NLK: variants seen among roughly 807,000 people sequenced by gnomAD.
The protein encoded by NLK is nemo like kinase, also known as serine/threonine-protein kinase NLK.
Under a neutral mutation model 59.0 loss-of-function variants are expected in NLK, and 11 were observed. That is an observed-to-expected ratio of 0.19 (90% confidence interval 0.12 to 0.31). The LOEUF (loss-of-function observed/expected upper bound fraction) is 0.31. Among genes scored for constraint, NLK ranks in the 10% least tolerant of loss-of-function variants. NLK has a pLI of 1.00. For synonymous variants in NLK, 235 were observed against 235.9 expected (o/e 1.00, Z 0.03); for missense variants, 410 against 661.1 (o/e 0.62, Z 4.16).
chr17:28,078,436 C>A (rs1395136550), intron 1 of NLK, among the ~76,000 whole-genome samples: 3 of 152,028 alleles, frequency 2.0e-5, no homozygotes, highest in Non-Finnish European at 4.4e-5. Context: ...TCCCCTGTGC[C>A]ACACACACAG....
intron 1 of NLK, among the ~76,000 whole-genome samples, chr17:28,062,229 T>C (rs919736070): frequency 6.6e-6 from 1 of 152,190 alleles, no homozygotes; most frequent in Non-Finnish European, 1.5e-5. Context: ...GGTGACTCCA[T>C]AGTCCTCATT....
At chr17:28,144,061 A>G (rs1157404670) in intron 3 of NLK, among the ~76,000 whole-genome samples, 1 of 152,162 alleles carries the variant, frequency 6.6e-6, no homozygotes, top group South Asian at 2.1e-4. Flanking sequence ...TGTAAGTCAT[A>G]GACTATGTTG....
intron 2 of NLK, among the ~76,000 whole-genome samples, 183 bp from the exon 3 acceptor site, chr17:28,132,437 G>A (rs1347626787): frequency 1.3e-5 from 2 of 152,172 alleles, no homozygotes; most frequent in African/African-American, 2.4e-5. Context: ...CTTTTGGATA[G>A]TAAGTGTACG....
chr17:28,089,384 ATGT>A (rs1904400306), intron 1 of NLK, among the ~76,000 whole-genome samples: 1 of 151,606 alleles, frequency 6.6e-6, no homozygotes, highest in African/African-American at 2.4e-5. Context: ...AGATCTATCC[ATGT>A]TGTTGCATGA....
intron 1 of NLK, among the ~76,000 whole-genome samples, chr17:28,086,515 A>T (rs1220979847): frequency 6.6e-6 from 1 of 152,136 alleles, no homozygotes; most frequent in African/African-American, 2.4e-5. Flanking sequence ...CTCACCAATG[A>T]TGTATGAAAA....
At chr17:28,177,640 A>T (rs759941399) in intron 7 of NLK, among the ~76,000 whole-genome samples, 2 of 152,242 alleles carry the variant, frequency 1.3e-5, no homozygotes, top group Non-Finnish European at 2.9e-5. Context: ...CCAGGCCTAC[A>T]TTCTATTACC....
intron 3 of NLK, among the ~76,000 whole-genome samples, chr17:28,157,366 T>A (rs1453060342): frequency 6.6e-6 from 1 of 151,872 alleles, no homozygotes; most frequent in Non-Finnish European, 1.5e-5. Context: ...AATTTTTGTA[T>A]TTTTAGTAGA....
chr17:28,094,244 G>A (rs1904615194), intron 1 of NLK, among the ~76,000 whole-genome samples: 2 of 152,152 alleles, frequency 1.3e-5, no homozygotes, highest in Admixed American at 1.3e-4. Context: ...AGGTTTCTGA[G>A]CAAAAACAAC....
intron 3 of NLK, among the ~76,000 whole-genome samples, chr17:28,149,210 G>A (rs927273378): frequency 2.0e-5 from 3 of 152,148 alleles, no homozygotes; most frequent in East Asian, 1.9e-4. Context: ...ATACAGGTGC[G>A]CACCACCACA....
chr17:28,089,197 C>G (rs1264558878), intron 1 of NLK, among the ~76,000 whole-genome samples: 2 of 152,158 alleles, frequency 1.3e-5, no homozygotes, highest in African/African-American at 2.4e-5. Context: ...TATTCATCAC[C>G]ACAAATTCCT....
chr17:28,105,362 T>C (rs887243269), intron 1 of NLK, among the ~76,000 whole-genome samples: 2 of 152,212 alleles, frequency 1.3e-5, no homozygotes, highest in African/African-American at 4.8e-5. Context: ...GTATCCCTTT[T>C]TACCTGAGAT....
intron 1 of NLK, among the ~76,000 whole-genome samples, chr17:28,101,829 C>T (rs575503443): frequency 2.0e-5 from 3 of 152,110 alleles, no homozygotes; most frequent in Non-Finnish European, 4.4e-5. Flanking sequence ...AGTGTACATG[C>T]ACTTTTACAA....
At chr17:28,180,301 A>G (rs1223726800) in intron 7 of NLK, among the ~76,000 whole-genome samples, 2 of 152,170 alleles carry the variant, frequency 1.3e-5, no homozygotes, top group East Asian at 1.9e-4. Context: ...CACTCATTCC[A>G]TACCCAGTTG....
chr17:28,145,940 A>G (rs1290216492), intron 3 of NLK, among the ~76,000 whole-genome samples: 3 of 152,132 alleles, frequency 2.0e-5, no homozygotes. Context: ...TCCCGATCTC[A>G]GGTGATCCAC....
At chr17:28,142,294 T>G (rs1907035914) in intron 3 of NLK, among the ~76,000 whole-genome samples, 1 of 152,164 alleles carries the variant, frequency 6.6e-6, no homozygotes, top group Admixed American at 6.5e-5. Flanking sequence ...ATACAACAAA[T>G]TTGTTACTTT....
At chr17:28,073,138 G>T (rs1348980082) in intron 1 of NLK, among the ~76,000 whole-genome samples, 1 of 152,010 alleles carries the variant, frequency 6.6e-6, no homozygotes, top group Non-Finnish European at 1.5e-5. Flanking sequence ...CACAAAGGGT[G>T]CAGACTTACT....
At chr17:28,124,273 T>TA (rs1164951720) in intron 2 of NLK, among the ~76,000 whole-genome samples, 1 of 152,226 alleles carries the variant, frequency 6.6e-6, no homozygotes, top group Admixed American at 6.5e-5. Context: ...TCTGTAATCC[T>TA]AGCTACTCAG....
intron 6 of NLK, among the ~76,000 whole-genome samples, chr17:28,169,768 G>A (rs1451240439): frequency 8.9e-6 from 1 of 112,420 alleles, no homozygotes; most frequent in Non-Finnish European, 1.8e-5. Context: ...GAGGATTGTT[G>A]TACAATGAAG....
chr17:28,142,687 G>GCTGAAA (rs1376483406), intron 3 of NLK, among the ~76,000 whole-genome samples: 3 of 151,892 alleles, frequency 2.0e-5, no homozygotes, highest in Admixed American at 6.6e-5. Context: ...TGAGTACTAG[G>GCTGAAA]CTGAAACTTC....
Sources: allele counts gnomAD v4.1 joint callset (sites outside exome capture counted in the v4.1 genomes callset), GRCh38; gene constraint gnomAD v4.1.1; transcripts MANE v1.5; gene names NCBI Gene and HGNC (gene_info 2026-07-23, HGNC 2026-07-21).